CCNK: variants seen among roughly 807,000 people sequenced by gnomAD.
CCNK encodes the protein cyclin K.
A neutral mutation model predicts 65.0 loss-of-function variants in CCNK; 9 were observed. The ratio of observed to expected loss-of-function variants is 0.14; its 90% confidence interval spans 0.08 to 0.24. The LOEUF is 0.24. Ranked by LOEUF, CCNK falls within the 10% of genes least tolerant of loss-of-function variation. The pLI, the probability that CCNK is intolerant of heterozygous loss-of-function variation, is 1.00. For synonymous variants in CCNK, 279 were observed against 270.8 expected (o/e 1.03, Z -0.30); for missense variants, 474 against 720.0 (o/e 0.66, Z 3.91).
intron 3 of CCNK, chr14:99,494,645 G>A (rs1896662438): frequency 6.6e-6 from 1 of 152,430 alleles, no homozygotes; most frequent in Middle Eastern, 3.4e-3. Context: ...TGAAGACAGA[G>A]CAGTTCAGAC....
In CCNK at chr14:99,492,632, A is replaced by G; in HGVS notation, c.-46A>G. The G allele has an allele frequency of 1.3e-6, 2 of 1,514,286 alleles. No homozygotes were observed. The highest frequency in any genetic ancestry group is 1.8e-6 in the Non-Finnish European group (2 of 1,119,646). The allele number at this position is 1,514,286 out of a possible 1,614,324, so 93.8% of individuals were successfully genotyped here. Reference sequence around the variant, plus strand: ...GTTTTTCTCTTTCTCATAGGATTCTAACATTTTCAGAGAACCTTTTGGAAA... The same window carrying G: ...GTTTTTCTCTTTCTCATAGGATTCTGACATTTTCAGAGAACCTTTTGGAAA... On this transcript the variant is annotated 5_prime_UTR_variant, in exon 2 of 11. Transcript: ENST00000389879.
rs181461786 is a variant in CCNK at position 99,489,353 on chromosome 14, G to A, written c.-52-3273G>A. The stretch of plus-strand genomic sequence containing the variant: ...TACAACATTAATGACACTACTAACA[G>A]TACACTAATGAAGTTTTAAAATTTC... On this transcript the variant is annotated intron_variant, in intron 1 of 10. Transcript: ENST00000389879. Among the ~76,000 whole-genome samples the A allele has an allele frequency of 3.0e-3, 449 of 152,174 alleles. 3 individuals carry two copies. The highest frequency in any genetic ancestry group is 3.4e-3 in the Non-Finnish European group (230 of 68,012).
At chr14:99,481,589 A>C in intron 1 of CCNK, 110 bp downstream of exon 1, 1 of 395,594 alleles carries the variant, frequency 2.5e-6, no homozygotes, top group Admixed American at 4.4e-5. Flanking sequence ...CTCTTTCCGG[A>C]TTCTGCCTCC....
intron 4 of CCNK, among the ~76,000 whole-genome samples, chr14:99,496,431 C>CCAGG (rs1896702218): frequency 6.6e-6 from 1 of 152,202 alleles, no homozygotes; most frequent in East Asian, 1.9e-4. Context: ...AATAAACTGG[C>CCAGG]CAGGCGTGGT....
chr14:99,502,517 T>A, intron 7 of CCNK, 141 bp downstream of exon 7: 1 of 1,361,950 alleles, frequency 7.3e-7, no homozygotes, highest in African/African-American at 1.5e-5. Flanking sequence ...TTAAATTATC[T>A]AATAGTTTCC....
intron 9 of CCNK, chr14:99,506,752 T>C (rs1896985448): frequency 5.5e-6 from 2 of 364,758 alleles, no homozygotes; most frequent in South Asian, 4.6e-5. Context: ...AGATAGGTCA[T>C]ACATGCTCAT....
chr14:99,495,643 T>C lies in CCNK; in HGVS notation c.411+14T>C, dbSNP rs201534587. On this transcript the variant is annotated intron_variant, in intron 4 of 10. Transcript: ENST00000389879. Reference sequence around the variant, plus strand: ...GATGACCCAAAGGTAAGAATGATAATAACTTCCTGCCTTCTGGTCTTGATT... The same window carrying C: ...GATGACCCAAAGGTAAGAATGATAACAACTTCCTGCCTTCTGGTCTTGATT... 455 of 1,597,084 alleles carry C rather than the reference T, an allele frequency of 2.8e-4. No individual in the cohort carries two copies. Among genetic ancestry groups the C allele is most frequent in the Non-Finnish European group, 3.6e-4 (423 of 1,172,976 alleles).
At chr14:99,500,646 A>G in intron 4 of CCNK, 120 bp from the exon 5 acceptor site, 1 of 701,058 alleles carries the variant, frequency 1.4e-6, no homozygotes, top group South Asian at 1.7e-5. Flanking sequence ...AAAGGAAGGA[A>G]AGGCAGTTGC....
chr14:99,491,468 A>G (rs1044093792), intron 1 of CCNK, among the ~76,000 whole-genome samples: 3 of 152,228 alleles, frequency 2.0e-5, no homozygotes, highest in Admixed American at 6.5e-5. Context: ...ATGTCTGATT[A>G]TGAACAGGTC....
intron 3 of CCNK, chr14:99,494,328 T>A (rs548362604): frequency 6.6e-6 from 1 of 152,238 alleles, no homozygotes; most frequent in African/African-American, 2.4e-5. Flanking sequence ...ATAGGTAGAC[T>A]GGGTCAGACC....
chr14:99,502,045 A>G, intron 6 of CCNK, 162 bp from the exon 7 acceptor site: 1 of 704,648 alleles, frequency 1.4e-6, no homozygotes, highest in Non-Finnish European at 2.1e-6. Flanking sequence ...TTAGTCGGGT[A>G]CCTTTAGAAG....
In CCNK at chr14:99,510,036, A is replaced by G. The variant is rs1002517442; in HGVS notation, c.1118-121A>G. On this transcript the variant is annotated intron_variant, in intron 10 of 10. Coordinates refer to ENST00000389879, the MANE Select transcript of CCNK (RefSeq NM_001099402.2). ...GGGGCATGGGCCCATGCGTTGGGCC[A>G]CAGAGGAGGCGGGCAGCTGCTCCCT... 7 of 990,974 alleles carry G rather than the reference A, an allele frequency of 7.1e-6. No homozygotes were observed. The African/African-American group carries it at 1.1e-4, about 16-fold the overall frequency. 61.4% of individuals were successfully genotyped at this position (990,974 alleles called of 1,614,324 possible).
intron 10 of CCNK, chr14:99,509,188 T>A (rs1346918008): frequency 2.6e-5 from 4 of 152,280 alleles, no homozygotes; most frequent in Non-Finnish European, 5.9e-5. Context: ...AGCATCTTCG[T>A]GGCTTTGTCC....
At chr14:99,509,536 AC>A (rs1317329413) in intron 10 of CCNK, 2 of 152,704 alleles carry the variant, frequency 1.3e-5, no homozygotes, top group Non-Finnish European at 2.9e-5. Context: ...GACATGCAGC[AC>A]GCACGCAGCA....
intron 10 of CCNK, chr14:99,508,292 C>T (rs553952489): frequency 1.3e-5 from 2 of 152,368 alleles, no homozygotes; most frequent in African/African-American, 4.8e-5. Context: ...AGCACCTCCT[C>T]GCCAAGTGCA....
chr14:99,489,737 A>G (rs1040032944), intron 1 of CCNK, among the ~76,000 whole-genome samples: 3 of 152,164 alleles, frequency 2.0e-5, no homozygotes, highest in Non-Finnish European at 4.4e-5. Context: ...AAATATTTAC[A>G]TGATTCAAAC....
intron 10 of CCNK, chr14:99,509,263 AG>A (rs369491147): frequency 5.9e-5 from 9 of 152,418 alleles, no homozygotes; most frequent in African/African-American, 2.2e-4. Flanking sequence ...GCCTTGGGAA[AG>A]GACACTCATT....
intron 10 of CCNK, 178 bp from the exon 11 acceptor site, chr14:99,509,979 T>A: frequency 1.6e-6 from 1 of 643,210 alleles, no homozygotes. Context: ...TCTTGACAGA[T>A]GGTGGGGAGA....
At chr14:99,506,862 A>C in intron 9 of CCNK, 12 of 506,788 alleles carry the variant, frequency 2.4e-5, no homozygotes, top group East Asian at 3.5e-5. Flanking sequence ...GCCTGTGGGA[A>C]GCTCGCAGGT....
Sources: allele counts gnomAD v4.1 joint callset (sites outside exome capture counted in the v4.1 genomes callset), GRCh38; gene constraint gnomAD v4.1.1; transcripts MANE v1.5; gene names NCBI Gene and HGNC (gene_info 2026-07-23, HGNC 2026-07-21).